Variants in NR3C2 observed in about 807,000 individuals in gnomAD.
NR3C2 encodes nuclear receptor subfamily 3 group C member 2.
Under a neutral mutation model 86.4 loss-of-function variants are expected in NR3C2, and 15 were observed. The observed-to-expected ratio is 0.17, with a 90% CI of 0.12 to 0.27. The LOEUF is 0.27. NR3C2 is among the 10% of genes least tolerant of loss of function. The probability of loss-of-function intolerance (pLI) is 1.00; values close to 1 mark genes in which losing one functional copy is unlikely to be tolerated. For missense variants in NR3C2, 960 were observed against 1,195.6 expected (o/e 0.80, Z 2.91); for synonymous variants, 458 against 450.5 (o/e 1.02, Z -0.21).
At chr4:148,083,297 G>A (rs892952680) in intron 8 of NR3C2, among the ~76,000 whole-genome samples, 1 of 152,184 alleles carries the variant, frequency 6.6e-6, no homozygotes, top group Non-Finnish European at 1.5e-5. Context: ...ACCTCATACA[G>A]GAGAGCTTCA....
intron 6 of NR3C2, among the ~76,000 whole-genome samples, chr4:148,126,741 G>T (rs1196905758): frequency 2.0e-5 from 3 of 152,126 alleles, no homozygotes; most frequent in African/African-American, 4.8e-5. Context: ...TCTTTGTGAG[G>T]TATTAACTAA....
intron 6 of NR3C2, among the ~76,000 whole-genome samples, chr4:148,136,789 T>A (rs2149749326): frequency 6.6e-6 from 1 of 152,202 alleles, no homozygotes; most frequent in Non-Finnish European, 1.5e-5. Context: ...TGCCACCTGC[T>A]TTTTAAACTC....
intron 2 of NR3C2, among the ~76,000 whole-genome samples, chr4:148,387,976 G>A (rs1457721791): frequency 6.6e-6 from 1 of 152,192 alleles, no homozygotes; most frequent in Non-Finnish European, 1.5e-5. Context: ...ACACATCACT[G>A]AAAATCTTGC....
chr4:148,197,633 A>G (rs72653863), intron 3 of NR3C2, among the ~76,000 whole-genome samples: 42 of 152,278 alleles, frequency 2.8e-4, no homozygotes, highest in African/African-American at 9.1e-4. Context: ...GATTGTTCTA[A>G]AAGGATTTTA....
chr4:148,228,452 A>C (rs1296285641), intron 3 of NR3C2, among the ~76,000 whole-genome samples: 1 of 152,140 alleles, frequency 6.6e-6, no homozygotes, highest in Non-Finnish European at 1.5e-5. Flanking sequence ...GGTTCCTAAT[A>C]TTTTGCAATA....
At chr4:148,445,292 C>CCTGCTCCTCGGCTGCCCACCCCGCCAGG (rs1750523521), upstream of NR3C2, among the ~76,000 whole-genome samples, 1 of 151,688 alleles carries the variant, frequency 6.6e-6, no homozygotes, top group Non-Finnish European at 1.5e-5. Context: ...GTTTTCTTTT[C>CCTGCTCCTCGGCTGCCCACCCCGCCAGG]CTGCTCCTCG....
intron 2 of NR3C2, among the ~76,000 whole-genome samples, chr4:148,381,774 A>G (rs1747003167): frequency 2.0e-5 from 3 of 152,224 alleles, no homozygotes; most frequent in Admixed American, 2.0e-4. Flanking sequence ...AAATGATACC[A>G]TAGTTTTTCC....
At chr4:148,123,597 C>G (rs1276111303) in intron 6 of NR3C2, among the ~76,000 whole-genome samples, 1 of 152,236 alleles carries the variant, frequency 6.6e-6, no homozygotes, top group African/African-American at 2.4e-5. Flanking sequence ...TGATGCCACC[C>G]CCAGTGGCCC....
intron 4 of NR3C2, among the ~76,000 whole-genome samples, chr4:148,161,816 T>C (rs1056443297): frequency 6.6e-6 from 1 of 152,160 alleles, no homozygotes; most frequent in Non-Finnish European, 1.5e-5. Context: ...ATTACAATCT[T>C]AGGGAAGTTG....
chr4:148,110,300 T>C (rs1481732505), intron 8 of NR3C2, among the ~76,000 whole-genome samples: 2 of 152,202 alleles, frequency 1.3e-5, no homozygotes. Context: ...GTGGAAGAAA[T>C]CCATGTGTGT....
chr4:148,177,851 G>A (rs565236642), intron 4 of NR3C2, among the ~76,000 whole-genome samples: 55 of 152,220 alleles, frequency 3.6e-4, no homozygotes, highest in Admixed American at 3.5e-3. Context: ...TTGGGGCCTG[G>A]GGTCAGTGCT....
At chr4:148,198,649 T>C (rs1050974144) in intron 3 of NR3C2, among the ~76,000 whole-genome samples, 5 of 151,538 alleles carry the variant, frequency 3.3e-5, no homozygotes, top group Admixed American at 6.6e-5. Flanking sequence ...TTAAATGGTT[T>C]CAAATGAATA....
chr4:148,132,027 A>G (rs971813156), intron 6 of NR3C2, among the ~76,000 whole-genome samples: 1 of 152,230 alleles, frequency 6.6e-6, no homozygotes, highest in African/African-American at 2.4e-5. Context: ...AATCCTATAT[A>G]TAGTATTCTT....
intron 3 of NR3C2, among the ~76,000 whole-genome samples, chr4:148,198,180 A>C (rs1736529885): frequency 1.3e-5 from 2 of 152,220 alleles, no homozygotes; most frequent in African/African-American, 4.8e-5. Flanking sequence ...AACAAAGTTG[A>C]GTTTAAAAAT....
intron 2 of NR3C2, among the ~76,000 whole-genome samples, chr4:148,403,157 T>G (rs1748252909): frequency 6.6e-6 from 1 of 152,054 alleles, no homozygotes; most frequent in Non-Finnish European, 1.5e-5. Context: ...AAAAATGAAA[T>G]TACAAAAATA....
chr4:148,286,602 A>C (rs1006628699), intron 2 of NR3C2, among the ~76,000 whole-genome samples: 2 of 152,210 alleles, frequency 1.3e-5, no homozygotes, highest in African/African-American at 4.8e-5. Flanking sequence ...TTCCTGAATA[A>C]ATCCAAGAGA....
intron 2 of NR3C2, among the ~76,000 whole-genome samples, chr4:148,420,931 G>A (rs1441180184): frequency 6.6e-6 from 1 of 152,146 alleles, no homozygotes; most frequent in Non-Finnish European, 1.5e-5. Flanking sequence ...CCGAGCAGAT[G>A]CCTCCATGCT....
intron 2 of NR3C2, among the ~76,000 whole-genome samples, chr4:148,401,908 C>T (rs1748188110): frequency 6.6e-6 from 1 of 152,170 alleles, no homozygotes; most frequent in East Asian, 1.9e-4. Context: ...CAGCAACCAG[C>T]TTTTCATGAG....
intron 4 of NR3C2, among the ~76,000 whole-genome samples, chr4:148,183,198 C>T (rs1578983394): frequency 2.0e-5 from 3 of 152,180 alleles, no homozygotes; most frequent in African/African-American, 4.8e-5. Flanking sequence ...ATATGTGTCA[C>T]ATTTTCTTAA....
Sources: allele counts gnomAD v4.1 joint callset (sites outside exome capture counted in the v4.1 genomes callset), GRCh38; gene constraint gnomAD v4.1.1; transcripts MANE v1.5; gene names NCBI Gene and HGNC (gene_info 2026-07-23, HGNC 2026-07-21).